Variants in SLC2A14 observed in about 807,000 individuals in gnomAD.
The protein encoded by SLC2A14 is solute carrier family 2, facilitated glucose transporter member 14.
In SLC2A14, 13 loss-of-function variants were observed where a neutral mutation model predicts 43.0. The observed-to-expected ratio is 0.30, with a 90% CI of 0.20 to 0.48. The LOEUF (loss-of-function observed/expected upper bound fraction) is 0.48. Ranked by LOEUF, SLC2A14 falls within the 20% of genes least tolerant of loss-of-function variation. SLC2A14 has a pLI of 0.99. For missense variants in SLC2A14, 428 were observed against 620.4 expected (o/e 0.69, Z 3.29); for synonymous variants, 190 against 233.8 (o/e 0.81, Z 1.71).
chr12:7,813,844 A>T lies in SLC2A14; in HGVS notation c.*472T>A, dbSNP rs1863211044. 1 of 161,754 alleles carries T rather than the reference A, an allele frequency of 6.2e-6. No individual in the cohort carries two copies. The highest frequency in any genetic ancestry group is 1.4e-5 in the Non-Finnish European group (1 of 72,782). 10.0% of individuals were successfully genotyped at this position (161,754 alleles called of 1,614,324 possible). On this transcript the variant is annotated 3_prime_UTR_variant, in exon 11 of 11. Transcript: ENST00000431042. ...GTAATTAAACCAGAGGATAAGATAAATAAAACTCAAGTTAATTTGCCGCGT... is the reference window on the plus strand; with the variant it reads ...GTAATTAAACCAGAGGATAAGATAATTAAAACTCAAGTTAATTTGCCGCGT...
chr12:7,866,567 T>C (rs906018135), intron 2 of SLC2A14, among the ~76,000 whole-genome samples: 5 of 152,198 alleles, frequency 3.3e-5, no homozygotes, highest in Admixed American at 1.3e-4. Context: ...GGTTTCACTA[T>C]GTTGGCCAGG....
intron 2 of SLC2A14, among the ~76,000 whole-genome samples, chr12:7,854,965 A>G (rs1442619767): frequency 2.0e-5 from 3 of 151,900 alleles, no homozygotes; most frequent in Non-Finnish European, 2.9e-5. Flanking sequence ...GTCTGCCACC[A>G]CGACCAGCTA....
intron 2 of SLC2A14, chr12:7,863,519 T>A: frequency 2.5e-6 from 1 of 405,324 alleles, no homozygotes; most frequent in Non-Finnish European, 5.0e-6. Context: ...CCCAGCTACC[T>A]GGGAGGCTGA....
At position 7,821,343 on chromosome 12, in the gene SLC2A14, A is replaced by G. The variant is rs757347702; in HGVS notation, c.865-18T>C. 4 of 1,600,026 alleles carry G rather than the reference A, an allele frequency of 2.5e-6. No individual in the cohort carries two copies. Among genetic ancestry groups the G allele is most frequent in the Admixed American group, 3.3e-5 (2 of 59,842 alleles). ...TAGAACACCTAGGAGAAAAGAAAAC[A>G]TGCAGCTTTGATAAAATTCTGCACA... On this transcript the variant is annotated intron_variant, in intron 7 of 10. Coordinates refer to ENST00000431042, the MANE Select transcript of SLC2A14 (RefSeq NM_001286234.2).
chr12:7,879,457 G>A (rs918692755), intron 1 of SLC2A14, among the ~76,000 whole-genome samples: 7 of 152,126 alleles, frequency 4.6e-5, no homozygotes, highest in African/African-American at 7.2e-5. Flanking sequence ...CAAGGGGAGC[G>A]GATCAACTGA....
chr12:7,883,559 C>G (rs1020137531), intron 1 of SLC2A14, among the ~76,000 whole-genome samples: 1 of 149,906 alleles, frequency 6.7e-6, no homozygotes, highest in African/African-American at 2.4e-5. Context: ...AGCCACCACG[C>G]CCGGCCTCTT....
chr12:7,863,991 GT>G, intron 2 of SLC2A14, among the ~76,000 whole-genome samples: 1 of 150,798 alleles, frequency 6.6e-6, no homozygotes, highest in East Asian at 2.0e-4. Flanking sequence ...AATTTTTTGT[GT>G]TTTTTAGTAG....
At chr12:7,887,911 T>C (rs924449101) in intron 1 of SLC2A14, among the ~76,000 whole-genome samples, 2 of 152,132 alleles carry the variant, frequency 1.3e-5, no homozygotes, top group East Asian at 3.8e-4. Context: ...TCCTTTGGCT[T>C]TCTCTCATTC....
intron 1 of SLC2A14, among the ~76,000 whole-genome samples, chr12:7,879,974 C>G (rs1342416916): frequency 6.6e-6 from 1 of 151,766 alleles, no homozygotes; most frequent in Non-Finnish European, 1.5e-5. Flanking sequence ...CCACTGCACT[C>G]CAGCCTAGGC....
rs140568143 is a variant in SLC2A14 at position 7,814,446 on chromosome 12, C to G, written c.1364G>C (p.Arg455Pro). 10 of 1,613,274 alleles carry G rather than the reference C, an allele frequency of 6.2e-6. No individual in the cohort carries two copies. In the African/African-American group the frequency reaches 9.4e-5, roughly 15 times the overall value. Residue 455 changes from arginine to proline, a missense_variant, in exon 11 of 11, where the codon CGT becomes CCT. Arg to Pro is a moderately radical substitution (Grantham distance 103). This residue lies in a region of SLC2A14 where 119 missense variants were observed against 188.7 expected (regional missense o/e 0.63). Transcript: ENST00000431042. Reference protein sequence around the residue: ...AFTFFKVPETRGRTFEDITRA... With the variant: ...AFTFFKVPETPGRTFEDITRA... The stretch of plus-strand genomic sequence containing the variant: ...TGTGATATCCTCAAAAGTCCTGCCA[C>G]GGGTCTCAGGGACTTTGAAGAAGGT...
At chr12:7,875,658 A>T (rs927399176), upstream of SLC2A14, among the ~76,000 whole-genome samples, 1 of 152,088 alleles carries the variant, frequency 6.6e-6, no homozygotes, top group African/African-American at 2.4e-5. Context: ...TGTCTCATCA[A>T]TGAGATTAGT....
chr12:7,828,686 A>T lies in SLC2A14; in HGVS notation c.676+18T>A, dbSNP rs779865048. On this transcript the variant is annotated intron_variant, in intron 6 of 10. Transcript: ENST00000431042. ...CACAACCATATACTTTGTATACTAA[A>T]GAGTGAAAGATACTCACTCCGCGTA... 1 of 1,612,798 alleles carries T rather than the reference A, an allele frequency of 6.2e-7. No individual in the cohort carries two copies. The highest frequency in any genetic ancestry group is 1.1e-5 in the South Asian group (1 of 91,048).
chr12:7,847,934 A>G (rs1438232995), intron 2 of SLC2A14, among the ~76,000 whole-genome samples: 1 of 152,144 alleles, frequency 6.6e-6, no homozygotes, highest in East Asian at 1.9e-4. Flanking sequence ...GGATGGAGGC[A>G]TTGCCCACAG....
chr12:7,857,852 C>T (rs998670289), intron 2 of SLC2A14, among the ~76,000 whole-genome samples: 10 of 151,800 alleles, frequency 6.6e-5, no homozygotes, highest in African/African-American at 2.2e-4. Context: ...AAGCAAAATT[C>T]CAGGCCAGGC....
At chr12:7,841,866 G>A (rs1177044319) in intron 2 of SLC2A14, among the ~76,000 whole-genome samples, 3 of 151,930 alleles carry the variant, frequency 2.0e-5, no homozygotes, top group Non-Finnish European at 2.9e-5. Flanking sequence ...TTAGCCGGGC[G>A]TAGTGGTGCA....
chr12:7,827,023 CCTTTCTCTCT>C (rs1864521576), intron 7 of SLC2A14, among the ~76,000 whole-genome samples: 4 of 127,544 alleles, frequency 3.1e-5, no homozygotes, highest in Admixed American at 2.5e-4. Context: ...CTCTTTCTCT[CCTTTCTCTCT>C]CTTTCTCTCC....
chr12:7,870,543 T>C (rs1945166622), intron 1 of SLC2A14, among the ~76,000 whole-genome samples: 2 of 152,064 alleles, frequency 1.3e-5, no homozygotes, highest in Non-Finnish European at 2.9e-5. Flanking sequence ...AACACCTGTG[T>C]TATTTCCTGA....
At chr12:7,883,622 G>T (rs1256778511) in intron 1 of SLC2A14, among the ~76,000 whole-genome samples, 1 of 122,170 alleles carries the variant, frequency 8.2e-6, no homozygotes, top group Non-Finnish European at 1.7e-5. Flanking sequence ...TTGAGACGGG[G>T]TCTCTCTCTG....
chr12:7,837,166 C>CA (rs753545614), intron 2 of SLC2A14, among the ~76,000 whole-genome samples: 1,606 of 119,528 alleles, frequency 0.013, 18 homozygotes, highest in African/African-American at 0.04. Flanking sequence ...GACTCCATCT[C>CA]AAAAAAAAAA....
Sources: gnomAD v4.1 joint callset for allele counts (sites outside exome capture counted in the v4.1 genomes callset) on GRCh38, gnomAD v4.1.1 for gene constraint, gnomAD v4.1.1 regional missense constraint, MANE v1.5 for transcripts, NCBI Gene and HGNC (gene_info 2026-07-23, HGNC 2026-07-21) for gene names.